Variants in WWOX observed in about 807,000 individuals in gnomAD.
WWOX encodes WW domain containing oxidoreductase, also known as WW domain-containing oxidoreductase.
In WWOX, 69 loss-of-function variants were observed where a neutral mutation model predicts 46.2. That is an observed-to-expected ratio of 1.49 (90% CI 1.23 to 1.82). The LOEUF (loss-of-function observed/expected upper bound fraction) is 1.82. Among genes scored for constraint, WWOX ranks in the 40% most tolerant of loss-of-function variants. WWOX has a pLI of 0.00. For synonymous variants in WWOX, 359 were observed against 202.6 expected, an observed-to-expected ratio of 1.77 and a Z score of -6.56; for missense variants, 919 against 542.6, an observed-to-expected ratio of 1.69 and a Z score of -6.89.
intron 8 of WWOX, among the ~76,000 whole-genome samples, chr16:79,029,075 A>G (rs901616797): frequency 3.9e-5 from 6 of 152,162 alleles, no homozygotes; most frequent in Admixed American, 2.0e-4. Context: ...TGTTTTCTCA[A>G]TGGTCCATTT....
chr16:79,190,939 G>A (rs886078491), intron 8 of WWOX, among the ~76,000 whole-genome samples: 1 of 152,162 alleles, frequency 6.6e-6, no homozygotes, highest in Non-Finnish European at 1.5e-5. Flanking sequence ...GTGAATTGTG[G>A]CTAAATCTCT....
At chr16:78,400,961 T>A (rs2082398599) in intron 6 of WWOX, among the ~76,000 whole-genome samples, 1 of 152,190 alleles carries the variant, frequency 6.6e-6, no homozygotes, top group Non-Finnish European at 1.5e-5. Flanking sequence ...TAGTTGGGAC[T>A]ACATGCCTGC....
chr16:78,784,927 C>T (rs570700048), intron 8 of WWOX, among the ~76,000 whole-genome samples: 14 of 152,238 alleles, frequency 9.2e-5, no homozygotes, highest in African/African-American at 2.2e-4. Context: ...TGACCACATA[C>T]GAGGAAGCGA....
intron 8 of WWOX, among the ~76,000 whole-genome samples, chr16:78,447,776 C>G (rs1212083645): frequency 1.3e-5 from 2 of 152,060 alleles, no homozygotes; most frequent in Non-Finnish European, 2.9e-5. Context: ...ACTTAGCAGC[C>G]AAGGAAAGCA....
chr16:78,895,054 A>T (rs1221983732), intron 8 of WWOX, among the ~76,000 whole-genome samples: 1 of 152,184 alleles, frequency 6.6e-6, no homozygotes, highest in Admixed American at 6.5e-5. Context: ...TCTTGGTAGT[A>T]CGATTAGGAA....
chr16:78,493,456 A>C (rs1182579548), intron 8 of WWOX, among the ~76,000 whole-genome samples: 1 of 152,190 alleles, frequency 6.6e-6, no homozygotes, highest in Non-Finnish European at 1.5e-5. Context: ...CTGTGTGAGT[A>C]ACTAACGTGT....
chr16:78,175,096 C>T (rs966901531), intron 5 of WWOX, among the ~76,000 whole-genome samples: 1 of 151,948 alleles, frequency 6.6e-6, no homozygotes, highest in Non-Finnish European at 1.5e-5. Flanking sequence ...CCCCTTCCAT[C>T]CGTAGAGGGC....
chr16:78,849,062 G>C (rs1014795701), intron 8 of WWOX, among the ~76,000 whole-genome samples: 2 of 152,160 alleles, frequency 1.3e-5, no homozygotes, highest in African/African-American at 2.4e-5. Context: ...GATCACTGTT[G>C]ACAATCTTGC....
intron 5 of WWOX, among the ~76,000 whole-genome samples, chr16:78,289,463 T>C (rs1471339521): frequency 6.6e-6 from 1 of 152,034 alleles, no homozygotes; most frequent in Non-Finnish European, 1.5e-5. Flanking sequence ...TGCAGGGTAG[T>C]GGGAAGGAAC....
intron 8 of WWOX, among the ~76,000 whole-genome samples, chr16:78,728,064 T>TCC (rs1396394388): frequency 6.6e-5 from 9 of 137,248 alleles, no homozygotes; most frequent in Non-Finnish European, 1.1e-4. Context: ...CCTTTTTTTT[T>TCC]TTTTTTTTTT....
intron 8 of WWOX, among the ~76,000 whole-genome samples, chr16:78,835,026 CAA>C (rs1441442299): frequency 6.6e-6 from 1 of 152,038 alleles, no homozygotes; most frequent in Non-Finnish European, 1.5e-5. Flanking sequence ...AATTTCCACT[CAA>C]ATTTTTAAAG....
intron 8 of WWOX, among the ~76,000 whole-genome samples, chr16:78,939,633 T>C (rs878903822): frequency 6.6e-6 from 1 of 152,376 alleles, no homozygotes; most frequent in South Asian, 2.1e-4. Flanking sequence ...AATTATTCAA[T>C]GATCAAATAT....
At chr16:78,644,100 T>TA (rs1490615947) in intron 8 of WWOX, among the ~76,000 whole-genome samples, 2 of 152,094 alleles carry the variant, frequency 1.3e-5, no homozygotes, top group African/African-American at 4.8e-5. Context: ...TGCATGCCTG[T>TA]AATCCCAGCT....
At chr16:78,261,045 TATG>T (rs966431414) in intron 5 of WWOX, among the ~76,000 whole-genome samples, 11 of 151,212 alleles carry the variant, frequency 7.3e-5, no homozygotes, top group Non-Finnish European at 1.2e-4. Context: ...TTTAATCAAA[TATG>T]ATGTGAAGCT....
chr16:79,036,331 C>T (rs1567504866), intron 8 of WWOX, among the ~76,000 whole-genome samples: 1 of 152,226 alleles, frequency 6.6e-6, no homozygotes, highest in African/African-American at 2.4e-5. Context: ...GAAAACTCAT[C>T]ACTCTTCCTG....
intron 5 of WWOX, among the ~76,000 whole-genome samples, chr16:78,379,438 C>G (rs1411089619): frequency 6.6e-6 from 1 of 152,170 alleles, no homozygotes; most frequent in Non-Finnish European, 1.5e-5. Flanking sequence ...TCTAGTGTAC[C>G]TGGGCTTCTT....
At chr16:79,142,899 T>C (rs1357453529) in intron 8 of WWOX, among the ~76,000 whole-genome samples, 2 of 152,126 alleles carry the variant, frequency 1.3e-5, no homozygotes, top group East Asian at 3.9e-4. Context: ...AGACAAGTTC[T>C]CGCCTTATTG....
chr16:78,252,146 A>G (rs141186893), intron 5 of WWOX, among the ~76,000 whole-genome samples: 414 of 152,300 alleles, frequency 2.7e-3, no homozygotes, highest in African/African-American at 9.3e-3. Flanking sequence ...AAAGAGGGGC[A>G]TCTTGCACTT....
intron 8 of WWOX, among the ~76,000 whole-genome samples, chr16:78,681,972 G>C (rs2047740585): frequency 6.6e-6 from 1 of 152,158 alleles, no homozygotes; most frequent in Admixed American, 6.5e-5. Context: ...TGTCACTGAT[G>C]CTTACAGCTC....
Sources: gnomAD v4.1 joint callset for allele counts (sites outside exome capture counted in the v4.1 genomes callset) on GRCh38, gnomAD v4.1.1 for gene constraint, MANE v1.5 for transcripts, NCBI Gene and HGNC (gene_info 2026-07-23, HGNC 2026-07-21) for gene names.